Variants in PLEKHM2 observed in about 807,000 individuals in gnomAD.
The protein encoded by PLEKHM2 is pleckstrin homology and RUN domain containing M2, also known as pleckstrin homology domain-containing family M member 2.
PLEKHM2 carries 77 observed loss-of-function variants against 116.3 expected under a neutral mutation model. The observed-to-expected ratio is 0.66, with a 90% confidence interval of 0.55 to 0.80. The LOEUF (loss-of-function observed/expected upper bound fraction) is 0.80, where lower values mean the gene tolerates loss of function less well. PLEKHM2 is among the 30% of genes least tolerant of loss of function. The pLI is 0.00. For missense variants in PLEKHM2, 1,183 were observed against 1,354.9 expected (o/e 0.87, Z 1.99); for synonymous variants, 562 against 571.0 (o/e 0.98, Z 0.22).
chr1:15,718,489 G>T (rs548596019), intron 4 of PLEKHM2, 49 bp from the exon 5 acceptor site: 4 of 1,112,476 alleles, frequency 3.6e-6, no homozygotes, highest in Non-Finnish European at 5.4e-6. Context: ...GTTAGGCCAG[G>T]CTGGTAAACA....
intron 4 of PLEKHM2, 134 bp from the exon 5 acceptor site, chr1:15,718,404 C>T: frequency 1.5e-6 from 1 of 653,714 alleles, no homozygotes. Flanking sequence ...TGGGCAACAG[C>T]TATATCAAGC....
At chr1:15,694,902 C>T (rs1196687369) in intron 1 of PLEKHM2, among the ~76,000 whole-genome samples, 5 of 151,916 alleles carry the variant, frequency 3.3e-5, no homozygotes, top group African/African-American at 1.2e-4. Flanking sequence ...GGATTACAGG[C>T]AGGCACCACC....
At chr1:15,730,476 C>T (rs1187256455) in intron 14 of PLEKHM2, 56 bp from the exon 15 acceptor site, 3 of 1,390,286 alleles carry the variant, frequency 2.2e-6, no homozygotes, top group South Asian at 1.5e-5. Context: ...CGGGCTCAGC[C>T]ACCTGCCTGG....
chr1:15,731,230 T>A lies in PLEKHM2; in HGVS notation c.2438T>A (p.Val813Asp). 1 of 1,598,066 alleles carries A rather than the reference T, an allele frequency of 6.3e-7. No homozygotes were observed. Among genetic ancestry groups the A allele is most frequent in the Non-Finnish European group, 8.5e-7 (1 of 1,172,160 alleles). The stretch of plus-strand genomic sequence containing the variant: ...TACCAGTACCCGGACCGCACCGACG[T>A]CATCCCTCTGCTCTCGGTGAACATG... ...ILYQYPDRTD[V>D]IPLLSVNMGG... is the part of the protein sequence containing the mutation. The change falls in exon 16 of 20, where the codon GTC becomes GAC. Residue 813 changes from valine (V) to aspartate (D), a missense_variant. Physicochemically the swap from Val to Asp is radical, Grantham distance 152. This residue lies in a region of PLEKHM2 where 594 missense variants were observed against 720.1 expected (regional missense o/e 0.82). Transcript: ENST00000375799.
rs752366268 is a variant in PLEKHM2 at position 15,730,526 on chromosome 1, C to T, written c.2209-6C>T. The T allele has an allele frequency of 1.3e-6, 2 of 1,561,478 alleles. No individual in the cohort carries two copies. Among genetic ancestry groups the T allele is most frequent in the Admixed American group, 1.9e-5 (1 of 54,042 alleles). On this transcript the variant is annotated splice_region_variant and splice_polypyrimidine_tract_variant and intron_variant, in intron 14 of 19. Transcript: ENST00000375799. Reference sequence around the variant, plus strand: ...GCTTTGTCCCCCGTGCCCGCCCCCGCATCAGGCATCTGCTGTCACCGTGCG... The same window carrying T: ...GCTTTGTCCCCCGTGCCCGCCCCCGTATCAGGCATCTGCTGTCACCGTGCG...
intron 1 of PLEKHM2, among the ~76,000 whole-genome samples, chr1:15,689,940 G>C (rs1316651268): frequency 1.3e-5 from 2 of 152,158 alleles, no homozygotes; most frequent in Non-Finnish European, 2.9e-5. Context: ...ATTTTTAGTA[G>C]AGACAGGGTT....
Position 15,729,727 on chromosome 1 carries a change from C to T in PLEKHM2, c.2076-70C>T, listed in dbSNP as rs2068113047. On this transcript the variant is annotated intron_variant, in intron 13 of 19. Transcript: ENST00000375799. This position sits in a 1 kb window ranked among gnomAD's most constrained non-coding sequence, Gnocchi z 4.7. ...GTGACCCCTCCAGGCCAGCAGCGCT[C>T]AAGACTAAGCCCTGTCCAGTTGAGG... is the stretch of plus-strand genomic sequence containing the variant. 1 of 1,420,318 alleles carries T rather than the reference C, an allele frequency of 7.0e-7. No homozygotes were observed. The highest frequency in any genetic ancestry group is 2.3e-5 in the East Asian group (1 of 43,584). The allele number at this position is 1,420,318 out of a possible 1,614,324, so 88.0% of individuals were successfully genotyped here. A position where few individuals can be genotyped will look rare whatever the true frequency, so the allele number is the denominator to read the frequency against.
At chr1:15,681,606 C>T, upstream of PLEKHM2, 1 of 471,548 alleles carries the variant, frequency 2.1e-6, no homozygotes, top group South Asian at 1.5e-5. Flanking sequence ...TTTTCATGAA[C>T]CAGAGCTGCA....
intron 1 of PLEKHM2, among the ~76,000 whole-genome samples, chr1:15,701,160 G>A (rs531446824): frequency 1.2e-4 from 17 of 147,744 alleles, no homozygotes; most frequent in African/African-American, 4.2e-4. Flanking sequence ...AGCTGGGTGC[G>A]GTGGCTCACT....
At chr1:15,730,443 A>C in intron 14 of PLEKHM2, 89 bp from the exon 15 acceptor site, 1 of 1,044,088 alleles carries the variant, frequency 9.6e-7, no homozygotes, top group Admixed American at 3.6e-5. Context: ...CTCCATCTCA[A>C]AAAGAAAAAA....
At position 15,728,225 on chromosome 1, in the gene PLEKHM2, G is replaced by T; in HGVS notation, c.1831-42G>T. 6.2e-7 allele frequency: 1 copy of T among 1,607,524 alleles called. No homozygotes were observed. The highest frequency in any genetic ancestry group is 1.1e-5 in the South Asian group (1 of 90,756). On this transcript the variant is annotated intron_variant, in intron 10 of 19. Transcript: ENST00000375799. This position sits in a 1 kb window ranked among gnomAD's most constrained non-coding sequence, Gnocchi z 5.9. Reference sequence around the variant, plus strand: ...ATGGGCCACCGCCCCCGCTGGAGCGGCAGGAGCCACCTGCCTGACCCTTGT... The same window carrying T: ...ATGGGCCACCGCCCCCGCTGGAGCGTCAGGAGCCACCTGCCTGACCCTTGT...
intron 17 of PLEKHM2, 68 bp downstream of exon 17, chr1:15,732,116 C>A: frequency 6.8e-7 from 1 of 1,461,424 alleles, no homozygotes; most frequent in Non-Finnish European, 9.4e-7. Context: ...GGGTCCCATC[C>A]CTAAACCCAT....
chr1:15,710,549 A>G (rs1571042572), intron 1 of PLEKHM2, among the ~76,000 whole-genome samples: 1 of 151,720 alleles, frequency 6.6e-6, no homozygotes, highest in South Asian at 2.1e-4. Flanking sequence ...CTGGTCTCAA[A>G]CTCCTGACCT....
rs545536658 is a variant in PLEKHM2 at position 15,729,659 on chromosome 1, G to A, written c.2076-138G>A. 3.1e-4 allele frequency: 217 copies of A among 706,700 alleles called. 3 individuals are homozygous for A. The South Asian group carries it at 3.8e-3, about 12-fold the overall frequency. 43.8% of individuals were successfully genotyped at this position (706,700 alleles called of 1,614,324 possible). Reference sequence around the variant, plus strand: ...GACCTGCGTCATTGCCGCACCTGCCGCCCTGGTCACTGGGTCTAGCCAGGT... The same window carrying A: ...GACCTGCGTCATTGCCGCACCTGCCACCCTGGTCACTGGGTCTAGCCAGGT... On this transcript the variant is annotated intron_variant, in intron 13 of 19. Transcript: ENST00000375799. This position sits in a 1 kb window ranked among gnomAD's most constrained non-coding sequence, Gnocchi z 4.7.
At chr1:15,712,370 G>A (rs1641353082) in intron 1 of PLEKHM2, among the ~76,000 whole-genome samples, 1 of 152,152 alleles carries the variant, frequency 6.6e-6, no homozygotes, top group African/African-American at 2.4e-5. Context: ...AAATCAGTCA[G>A]ACATTCTAGA....
In PLEKHM2 at chr1:15,684,419, C is replaced by A; in HGVS notation, c.-140C>A. On this transcript the variant is annotated 5_prime_UTR_variant, in exon 1 of 20. Coordinates refer to ENST00000375799, the MANE Select transcript of PLEKHM2 (RefSeq NM_015164.4). ...GAGGCGAGGGCCGGGCGGCGGGCGC[C>A]GGGCCCCGCGGCCGGCACGACGGAG... 1 of 303,502 alleles carries A rather than the reference C, an allele frequency of 3.3e-6. No individual in the cohort carries two copies. Among genetic ancestry groups the A allele is most frequent in the South Asian group, 1.2e-4 (1 of 8,234 alleles). The allele number at this position is 303,502 out of a possible 1,614,324, so 18.8% of individuals were successfully genotyped here. A position where few individuals can be genotyped will look rare whatever the true frequency, so the allele number is the denominator to read the frequency against.
At chr1:15,733,484 G>A (rs1374234689) in intron 19 of PLEKHM2, among the ~76,000 whole-genome samples, 1 of 152,252 alleles carries the variant, frequency 6.6e-6, no homozygotes, top group African/African-American at 2.4e-5. Context: ...GGACTAGTTA[G>A]AGGCAGAGAA....
rs1156921915 is a variant in PLEKHM2, at chr1:15,719,085, G to A, written c.465+460G>A. Among the ~76,000 whole-genome samples, 1 of 152,126 alleles carries A rather than the reference G, an allele frequency of 6.6e-6. No homozygotes were observed. Among genetic ancestry groups the A allele is most frequent in the Non-Finnish European group, 1.5e-5 (1 of 68,034 alleles). ...TACAAATGGGATGCTGGCCCACATA[G>A]AGCCAAAGAGGCTCCCAGGCACCTC... is the stretch of plus-strand genomic sequence containing the variant. On this transcript the variant is annotated intron_variant, in intron 5 of 19. Transcript: ENST00000375799. This position sits in a 1 kb window ranked among gnomAD's most constrained non-coding sequence, Gnocchi z 4.1.
chr1:15,701,518 G>A (rs916872578), intron 1 of PLEKHM2, among the ~76,000 whole-genome samples: 9 of 152,088 alleles, frequency 5.9e-5, no homozygotes, highest in Admixed American at 1.3e-4. Flanking sequence ...GGCCGGGCAC[G>A]GTGGCTCACG....
Sources: allele counts gnomAD v4.1 joint callset (sites outside exome capture counted in the v4.1 genomes callset), GRCh38; gene constraint gnomAD v4.1.1; regional missense constraint gnomAD v4.1.1; non-coding constraint Gnocchi (gnomAD v3.1); transcripts MANE v1.5; gene names NCBI Gene and HGNC (gene_info 2026-07-23, HGNC 2026-07-21).